WDPCP: variants seen among roughly 807,000 people sequenced by gnomAD.
WDPCP encodes WD repeat-containing and planar cell polarity effector protein fritz homolog.
In WDPCP, 71 loss-of-function variants were observed where a neutral mutation model predicts 93.1. That is an observed-to-expected ratio of 0.76 (90% CI 0.63 to 0.93). The LOEUF (loss-of-function observed/expected upper bound fraction) is 0.93, where lower values mean the gene tolerates loss of function less well. WDPCP is among the 40% of genes least tolerant of loss of function. WDPCP has a pLI of 0.00. For missense variants in WDPCP, 844 were observed against 887.4 expected (o/e 0.95, Z 0.62); for synonymous variants, 315 against 315.0 (o/e 1.00, Z 0.00).
At chr2:63,529,805 C>T (rs1048849299) in intron 1 of WDPCP, among the ~76,000 whole-genome samples, 10 of 152,166 alleles carry the variant, frequency 6.6e-5, no homozygotes, top group Middle Eastern at 3.2e-3. Flanking sequence ...TCATAGAATT[C>T]GGCTGTGAAT....
At chr2:63,605,129 TG>T (rs1709502046) in intron 3 of WDPCP, 1 of 647,818 alleles carries the variant, frequency 1.5e-6, no homozygotes, top group Non-Finnish European at 2.7e-6. Flanking sequence ...CCAGAAGGAT[TG>T]GTAAGGCTGA....
intron 8 of WDPCP, among the ~76,000 whole-genome samples, chr2:63,435,466 G>C (rs560263445): frequency 5.3e-5 from 8 of 152,024 alleles, no homozygotes; most frequent in African/African-American, 1.7e-4. Flanking sequence ...GAAATACCAC[G>C]ATGAAATTGC....
chr2:63,715,959 G>A (rs1343242248), intron 2 of WDPCP, among the ~76,000 whole-genome samples: 1 of 152,226 alleles, frequency 6.6e-6, no homozygotes, highest in Non-Finnish European at 1.5e-5. Context: ...GTGATCTTCT[G>A]TTCTTCCTTC....
intron 12 of WDPCP, among the ~76,000 whole-genome samples, chr2:63,349,433 G>A (rs191971053): frequency 6.6e-6 from 1 of 152,066 alleles, no homozygotes; most frequent in South Asian, 2.1e-4. Flanking sequence ...ATTCTAAGCT[G>A]TATCAAATTA....
chr2:63,534,964 C>A (rs1030219279), intron 1 of WDPCP, among the ~76,000 whole-genome samples: 5 of 152,094 alleles, frequency 3.3e-5, no homozygotes, highest in Non-Finnish European at 1.5e-5. Flanking sequence ...AGAAAACCCC[C>A]TCGTCTCAGC....
At chr2:63,643,999 C>T in intron 3 of WDPCP, 1 of 468,296 alleles carries the variant, frequency 2.1e-6, no homozygotes, top group Non-Finnish European at 4.3e-6. Context: ...GCATCCAATG[C>T]TTTGGAGCTG....
At chr2:63,474,363 A>G (rs1699851442) in intron 6 of WDPCP, among the ~76,000 whole-genome samples, 1 of 152,144 alleles carries the variant, frequency 6.6e-6, no homozygotes, top group African/African-American at 2.4e-5. Context: ...TAATTGGCAG[A>G]CATAAGATGG....
intron 6 of WDPCP, among the ~76,000 whole-genome samples, chr2:63,460,582 A>T (rs1225335627): frequency 6.6e-6 from 1 of 152,178 alleles, no homozygotes; most frequent in Non-Finnish European, 1.5e-5. Flanking sequence ...ACTCACATGT[A>T]CCCCACAAAT....
At chr2:63,238,453 G>T (rs1030320701) in intron 14 of WDPCP, among the ~76,000 whole-genome samples, 2 of 152,076 alleles carry the variant, frequency 1.3e-5, no homozygotes, top group African/African-American at 4.8e-5. Flanking sequence ...AAATTTTAAA[G>T]AATGTGTACA....
intron 12 of WDPCP, among the ~76,000 whole-genome samples, chr2:63,357,348 G>A (rs1690095895): frequency 6.6e-6 from 1 of 151,936 alleles, no homozygotes; most frequent in Non-Finnish European, 1.5e-5. Flanking sequence ...CACAATAGGA[G>A]AAAATATTTG....
At chr2:63,151,742 A>G (rs1355164976) in intron 17 of WDPCP, among the ~76,000 whole-genome samples, 1 of 152,224 alleles carries the variant, frequency 6.6e-6, no homozygotes, top group Non-Finnish European at 1.5e-5. Context: ...GATTGAAGCA[A>G]TGATATTGAC....
intron 2 of WDPCP, among the ~76,000 whole-genome samples, chr2:63,780,110 A>G (rs574409302): frequency 2.0e-5 from 3 of 152,220 alleles, no homozygotes; most frequent in African/African-American, 7.2e-5. Context: ...ACTCCCAGCA[A>G]TCTAGGGATG....
chr2:63,386,655 T>C (rs1461631905), intron 10 of WDPCP, among the ~76,000 whole-genome samples: 2 of 152,142 alleles, frequency 1.3e-5, no homozygotes, highest in Non-Finnish European at 1.5e-5. Flanking sequence ...ACTTAGCATA[T>C]GGCCCAGCCA....
chr2:63,542,720 A>G (rs1047848970), intron 1 of WDPCP, among the ~76,000 whole-genome samples: 10 of 152,206 alleles, frequency 6.6e-5, no homozygotes, highest in African/African-American at 1.4e-4. Flanking sequence ...ATGAAAATAT[A>G]TATCATCAAA....
At chr2:63,658,227 T>C (rs955716638) in intron 2 of WDPCP, among the ~76,000 whole-genome samples, 4 of 152,322 alleles carry the variant, frequency 2.6e-5, no homozygotes, top group Non-Finnish European at 5.9e-5. Flanking sequence ...ATGGCTTGAA[T>C]AGAGTTGCTT....
At chr2:63,555,523 C>G (rs963635115) in intron 1 of WDPCP, among the ~76,000 whole-genome samples, 1 of 152,190 alleles carries the variant, frequency 6.6e-6, no homozygotes, top group Admixed American at 6.5e-5. Flanking sequence ...GTCCCGGATC[C>G]CGTGCCTCCT....
chr2:63,351,548 A>G (rs892751985), intron 12 of WDPCP, among the ~76,000 whole-genome samples: 2 of 152,042 alleles, frequency 1.3e-5, no homozygotes, highest in African/African-American at 2.4e-5. Context: ...GTTCCTGTTA[A>G]TTCACTTAGG....
At chr2:63,738,157 T>C (rs541745581) in intron 2 of WDPCP, among the ~76,000 whole-genome samples, 9 of 152,216 alleles carry the variant, frequency 5.9e-5, no homozygotes, top group Admixed American at 4.6e-4. Flanking sequence ...CCAGTCCCCA[T>C]TGCATTTCAT....
At chr2:63,343,816 A>G (rs1178911285) in intron 12 of WDPCP, among the ~76,000 whole-genome samples, 4 of 152,118 alleles carry the variant, frequency 2.6e-5, no homozygotes, top group Admixed American at 6.5e-5. Flanking sequence ...TAGCAAATTT[A>G]TCATTTTGGT....
Sources: allele counts gnomAD v4.1 joint callset (sites outside exome capture counted in the v4.1 genomes callset), GRCh38; gene constraint gnomAD v4.1.1; transcripts MANE v1.5; gene names NCBI Gene and HGNC (gene_info 2026-07-23, HGNC 2026-07-21).